The following TANGO6 variants were observed in gnomAD, a reference collection of about 807,000 sequenced individuals.
TANGO6 encodes the protein transport and golgi organization 6 homolog.
In TANGO6, 90 loss-of-function variants were observed where a neutral mutation model predicts 114.2. That is an observed-to-expected ratio of 0.79 (90% CI 0.66 to 0.94). TANGO6 has a LOEUF of 0.94. Among genes scored for constraint, TANGO6 ranks in the 40% least tolerant of loss-of-function variants. The probability of loss-of-function intolerance (pLI) is 0.00; values close to 1 mark genes in which losing one functional copy is unlikely to be tolerated. For synonymous variants in TANGO6, 477 were observed against 509.8 expected (o/e 0.94, Z 0.87); for missense variants, 1,274 against 1,315.3 (o/e 0.97, Z 0.49).
intron 17 of TANGO6, among the ~76,000 whole-genome samples, chr16:69,046,012 C>T (rs536300750): frequency 2.2e-5 from 3 of 137,184 alleles, no homozygotes; most frequent in Admixed American, 8.4e-5. Flanking sequence ...TACAGTGAGC[C>T]GAGATCATGC....
chr16:68,928,336 G>A (rs185732890), intron 13 of TANGO6, among the ~76,000 whole-genome samples: 10 of 114,296 alleles, frequency 8.7e-5, no homozygotes, highest in South Asian at 2.7e-4. Flanking sequence ...ATGGAATCTC[G>A]CTCTGTCCCC....
chr16:69,000,878 C>A (rs898986155), intron 15 of TANGO6, among the ~76,000 whole-genome samples: 1 of 152,188 alleles, frequency 6.6e-6, no homozygotes, highest in Non-Finnish European at 1.5e-5. Flanking sequence ...AGGCATGAGC[C>A]ACCAAGCCTG....
At chr16:69,073,235 TA>T (rs1226155304) in intron 17 of TANGO6, among the ~76,000 whole-genome samples, 34 of 152,192 alleles carry the variant, frequency 2.2e-4, no homozygotes, top group South Asian at 1.0e-3. Context: ...TGGAACTTAC[TA>T]AAGTTCCCCC....
At chr16:69,069,049 ATT>A (rs1960260001) in intron 17 of TANGO6, among the ~76,000 whole-genome samples, 1 of 152,106 alleles carries the variant, frequency 6.6e-6, no homozygotes, top group Non-Finnish European at 1.5e-5. Flanking sequence ...ATTAATTCTT[ATT>A]GCAACCTTCA....
At chr16:68,859,101 C>T (rs926232952) in intron 1 of TANGO6, among the ~76,000 whole-genome samples, 2 of 152,078 alleles carry the variant, frequency 1.3e-5, no homozygotes, top group Admixed American at 1.3e-4. Flanking sequence ...GCCCTGTGTC[C>T]ATATTTTGTG....
intron 15 of TANGO6, among the ~76,000 whole-genome samples, chr16:69,003,676 A>T (rs2152221906): frequency 6.6e-6 from 1 of 152,328 alleles, no homozygotes; most frequent in South Asian, 2.1e-4. Flanking sequence ...ATTTAATTAT[A>T]TAAAAAAGTT....
At chr16:68,905,747 T>G (rs1178228178) in intron 9 of TANGO6, among the ~76,000 whole-genome samples, 13 of 151,468 alleles carry the variant, frequency 8.6e-5, no homozygotes, top group Admixed American at 8.6e-4. Context: ...ATGGTGCCCC[T>G]CTGTAGTCCC....
chr16:68,873,445 C>G (rs991055536), intron 4 of TANGO6, among the ~76,000 whole-genome samples: 4 of 152,058 alleles, frequency 2.6e-5, no homozygotes, highest in African/African-American at 9.7e-5. Flanking sequence ...TCCCAAGTAG[C>G]TGGGATTACA....
At chr16:68,949,707 G>A (rs568945478) in intron 14 of TANGO6, among the ~76,000 whole-genome samples, 37 of 152,072 alleles carry the variant, frequency 2.4e-4, no homozygotes, top group African/African-American at 8.4e-4. Flanking sequence ...AAATGGTACA[G>A]TTGCTTTGAA....
intron 17 of TANGO6, among the ~76,000 whole-genome samples, chr16:69,044,550 C>T (rs755492973): frequency 9.9e-5 from 15 of 152,072 alleles, no homozygotes; most frequent in Non-Finnish European, 1.9e-4. Flanking sequence ...ATAGTAGGGG[C>T]ACTGGCAGAG....
At chr16:68,872,092 G>A (rs959187808) in intron 4 of TANGO6, among the ~76,000 whole-genome samples, 2 of 151,606 alleles carry the variant, frequency 1.3e-5, no homozygotes, top group African/African-American at 2.4e-5. Flanking sequence ...TTAGTGGTGC[G>A]TGCCTGTAGT....
At chr16:68,986,825 A>G (rs1963896187) in intron 15 of TANGO6, among the ~76,000 whole-genome samples, 1 of 152,054 alleles carries the variant, frequency 6.6e-6, no homozygotes, top group Non-Finnish European at 1.5e-5. Context: ...GAATTGCTTG[A>G]ACCTGGGAGG....
At chr16:68,854,985 T>C (rs113812811) in intron 1 of TANGO6, among the ~76,000 whole-genome samples, 9 of 151,742 alleles carry the variant, frequency 5.9e-5, no homozygotes, top group African/African-American at 1.7e-4. Context: ...ATAGATCAAT[T>C]TGTGGACAAT....
intron 14 of TANGO6, among the ~76,000 whole-genome samples, chr16:68,959,516 G>T (rs1300922588): frequency 6.6e-6 from 1 of 152,054 alleles, no homozygotes; most frequent in Admixed American, 6.6e-5. Context: ...GAACCTGGGG[G>T]GTGGAGGTTG....
intron 10 of TANGO6, among the ~76,000 whole-genome samples, chr16:68,908,672 G>T (rs1378544848): frequency 1.3e-5 from 2 of 152,166 alleles, no homozygotes; most frequent in Admixed American, 1.3e-4. Context: ...AGTAATACAT[G>T]ATTTCTTAGA....
At chr16:68,860,723 G>C (rs957166527) in intron 2 of TANGO6, among the ~76,000 whole-genome samples, 199 bp downstream of exon 2, 1 of 152,180 alleles carries the variant, frequency 6.6e-6, no homozygotes, top group Non-Finnish European at 1.5e-5. Flanking sequence ...CACACCTGTA[G>C]AGTCCATTTC....
intron 15 of TANGO6, among the ~76,000 whole-genome samples, chr16:69,011,075 C>T (rs1312377203): frequency 6.6e-6 from 1 of 152,146 alleles, no homozygotes; most frequent in Non-Finnish European, 1.5e-5. Flanking sequence ...GTTCTGATTA[C>T]AGTGGAGTGC....
In TANGO6 at chr16:68,900,434, G is replaced by A. The variant is rs1036819474; in HGVS notation, c.1378G>A (p.Val460Met). The A allele has an allele frequency of 3.1e-6, 5 of 1,613,342 alleles. No homozygotes were observed. The East Asian group carries it at 6.7e-5, about 22-fold the overall frequency. ...LSRCIEDVFK[V>M]YVVGNEPLTV... ...TTCTTCACCATTTCCTTTTTTCTAG[G>A]TGTACGTGGTTGGGAATGAACCTTT... Residue 460 changes from valine (V) to methionine (M), a missense_variant and splice_region_variant, in exon 8 of 18, where the codon GTG (valine) becomes ATG (methionine). Around this residue, in one of 5 missense-constraint regions of TANGO6, gnomAD observed 908 missense variants for 910.2 expected, o/e 1.00. Coordinates refer to ENST00000261778, the MANE Select transcript of TANGO6 (RefSeq NM_024562.2).
chr16:68,949,163 GC>G (rs1963445675), intron 14 of TANGO6, among the ~76,000 whole-genome samples: 1 of 152,132 alleles, frequency 6.6e-6, no homozygotes, highest in Non-Finnish European at 1.5e-5. Context: ...TCTAGCCTGG[GC>G]AACAATAGTG....
Sources: allele counts gnomAD v4.1 joint callset (sites outside exome capture counted in the v4.1 genomes callset), GRCh38; gene constraint gnomAD v4.1.1; regional missense constraint gnomAD v4.1.1; transcripts MANE v1.5; gene names NCBI Gene and HGNC (gene_info 2026-07-23, HGNC 2026-07-21).